ANKRD12: variants seen among roughly 807,000 people sequenced by gnomAD.
ANKRD12 encodes the protein ankyrin repeat domain 12.
A neutral mutation model predicts 183.4 loss-of-function variants in ANKRD12; 85 were observed. The observed-to-expected ratio is 0.46, with a 90% CI of 0.39 to 0.56. ANKRD12 has a LOEUF of 0.56. Ranked by LOEUF, ANKRD12 falls within the 20% of genes least tolerant of loss-of-function variation. The pLI is 0.00. For missense variants in ANKRD12, 2,405 were observed against 2,357.1 expected, an observed-to-expected ratio of 1.02 and a Z score of -0.42; for synonymous variants, 914 against 800.2, an observed-to-expected ratio of 1.14 and a Z score of -2.40.
chr18:9,145,906 T>C (rs1424032780), intron 1 of ANKRD12, among the ~76,000 whole-genome samples: 1 of 152,254 alleles, frequency 6.6e-6, no homozygotes, highest in African/African-American at 2.4e-5. Context: ...TATGGGCAAC[T>C]TAAAATCTAG....
At chr18:9,193,478 C>T (rs1306231003) in intron 2 of ANKRD12, among the ~76,000 whole-genome samples, 3 of 151,958 alleles carry the variant, frequency 2.0e-5, no homozygotes, top group Non-Finnish European at 1.5e-5. Context: ...TTAATATTCC[C>T]TCTCTAGTTG....
chr18:9,278,958 G>A (rs903010930), intron 11 of ANKRD12, among the ~76,000 whole-genome samples: 3 of 151,918 alleles, frequency 2.0e-5, no homozygotes, highest in Non-Finnish European at 2.9e-5. Flanking sequence ...CTGAAGAGAG[G>A]TTACCACATT....
chr18:9,144,874 T>C (rs2078441436), intron 1 of ANKRD12, among the ~76,000 whole-genome samples: 1 of 151,844 alleles, frequency 6.6e-6, no homozygotes, highest in Non-Finnish European at 1.5e-5. Flanking sequence ...ATTATGTATG[T>C]ATTTGTATGT....
rs765284306 is a variant in ANKRD12 at position 9,258,439 on chromosome 18, T to G, written c.5172T>G (p.Asp1724Glu). 6.2e-7 allele frequency: 1 copy of G among 1,613,768 alleles called. No individual in the cohort carries two copies. Among genetic ancestry groups the G allele is most frequent in the Non-Finnish European group, 8.5e-7 (1 of 1,179,938 alleles). The change falls in exon 9 of 13, where the codon GAT becomes GAG. Residue 1724 changes from aspartate to glutamate, a missense_variant. Around this residue, in one of 7 missense-constraint regions of ANKRD12, gnomAD observed 1,983 missense variants for 1,725.9 expected, o/e 1.15. Transcript: ENST00000262126. ...TAGAATTAGAAGAAAATGCCGAAGA[T>G]GATAAAACTGAAAACCAAATCCCTC... ...VKVELEENAE[D>E]DKTENQIPQR...
At chr18:9,249,601 C>T (rs545019002) in intron 8 of ANKRD12, 1 of 152,286 alleles carries the variant, frequency 6.6e-6, no homozygotes, top group Admixed American at 6.5e-5. Flanking sequence ...CGTCTTCCTT[C>T]CCACAACAGA....
intron 7 of ANKRD12, among the ~76,000 whole-genome samples, 162 bp downstream of exon 7, chr18:9,217,062 G>T (rs1032593847): frequency 1.1e-4 from 16 of 152,196 alleles, no homozygotes; most frequent in Non-Finnish European, 1.6e-4. Flanking sequence ...CTAAGTATTA[G>T]TTCATAGTCA....
rs377399578 is a variant in ANKRD12, at chr18:9,166,214, G to A, written c.-51-16168G>A. 6.6e-5 allele frequency among the ~76,000 whole-genome samples: 10 copies of A among 152,052 alleles called. No homozygotes were observed. In the East Asian group the frequency reaches 9.7e-4, roughly 15 times the overall value. The stretch of plus-strand genomic sequence containing the variant: ...ATGTGTCTTTATAGCAGCATGATTT[G>A]TAATCCTTTGGGTATATACCCAGTA... On this transcript the variant is annotated intron_variant, in intron 1 of 12. Coordinates refer to ENST00000262126, the MANE Select transcript of ANKRD12 (RefSeq NM_015208.5).
At chr18:9,265,509 C>A (rs1419789162) in intron 10 of ANKRD12, among the ~76,000 whole-genome samples, 1 of 152,160 alleles carries the variant, frequency 6.6e-6, no homozygotes, top group East Asian at 1.9e-4. Context: ...GTTACCCACA[C>A]AAACGGTCTG....
intron 1 of ANKRD12, among the ~76,000 whole-genome samples, chr18:9,172,772 T>G (rs1461092793): frequency 6.6e-6 from 1 of 152,178 alleles, no homozygotes; most frequent in Non-Finnish European, 1.5e-5. Context: ...TGAAGAGGTG[T>G]TGTGGTAATT....
chr18:9,161,503 G>A (rs1006778170), intron 1 of ANKRD12, among the ~76,000 whole-genome samples: 75 of 151,958 alleles, frequency 4.9e-4, no homozygotes, highest in African/African-American at 1.7e-3. Context: ...AGCCTCCTGA[G>A]TAGCTGGGAC....
intron 8 of ANKRD12, among the ~76,000 whole-genome samples, chr18:9,223,427 T>G (rs1273757899): frequency 1.3e-5 from 2 of 151,714 alleles, no homozygotes; most frequent in African/African-American, 2.4e-5. Context: ...GCTAATATTG[T>G]TTTTTACCCC....
rs775129165 is a variant in ANKRD12, at chr18:9,239,531, C to T, written c.944-14680C>T. The T allele has an allele frequency of 2.0e-5, 26 of 1,286,530 alleles. 1 individual carries two copies. The South Asian group carries it at 3.0e-4, about 15-fold the overall frequency. The allele number at this position is 1,286,530 out of a possible 1,614,324, so 79.7% of individuals were successfully genotyped here. On this transcript the variant is annotated intron_variant, in intron 8 of 12. Coordinates refer to ENST00000262126, the MANE Select transcript of ANKRD12 (RefSeq NM_015208.5). ...CTGAATTATTGCTTGGTCAAAGTCC[C>T]TCAAGGAATGATACAAAAATCATCA...
At chr18:9,192,748 C>T (rs976447366) in intron 2 of ANKRD12, among the ~76,000 whole-genome samples, 1 of 151,846 alleles carries the variant, frequency 6.6e-6, no homozygotes, top group Non-Finnish European at 1.5e-5. Flanking sequence ...GCTCTGTCAC[C>T]CAGCCTGGAA....
At chr18:9,222,120 A>G in intron 8 of ANKRD12, 121 bp downstream of exon 8, 1 of 1,228,250 alleles carries the variant, frequency 8.1e-7, no homozygotes, top group East Asian at 2.4e-5. Flanking sequence ...GCTAGCTAGA[A>G]TAATGCTTAG....
intron 3 of ANKRD12, among the ~76,000 whole-genome samples, chr18:9,196,659 G>A (rs1184962557): frequency 1.3e-5 from 2 of 152,138 alleles, no homozygotes; most frequent in Admixed American, 1.3e-4. Context: ...AAATCATGTA[G>A]TGTATGCTTT....
chr18:9,136,799 G>C lies in ANKRD12; in HGVS notation c.-218G>C, dbSNP rs531393469. Reference sequence around the variant, plus strand: ...GCCAATCGCGGGGCGACGCTGTCCTGGGAGCGAGGAGGCTGTGGTGAGAGA... The same window carrying C: ...GCCAATCGCGGGGCGACGCTGTCCTCGGAGCGAGGAGGCTGTGGTGAGAGA... On this transcript the variant is annotated 5_prime_UTR_variant, in exon 1 of 13. Coordinates refer to ENST00000262126, the MANE Select transcript of ANKRD12 (RefSeq NM_015208.5). 6.6e-6 allele frequency: 1 copy of C among 152,242 alleles called. No individual in the cohort carries two copies. The highest frequency in any genetic ancestry group is 1.5e-5 in the Non-Finnish European group (1 of 68,072). 9.4% of individuals were successfully genotyped at this position (152,242 alleles called of 1,614,324 possible).
At chr18:9,237,840 A>G (rs950932152) in intron 8 of ANKRD12, among the ~76,000 whole-genome samples, 5 of 152,196 alleles carry the variant, frequency 3.3e-5, no homozygotes, top group Non-Finnish European at 7.4e-5. Context: ...GTCAAAGTAC[A>G]GTCGGACACA....
In ANKRD12 at chr18:9,257,502, G is replaced by A; in HGVS notation, c.4235G>A (p.Gly1412Asp). ...PVHLEPSSQVGVIQNKSWEMP... is the reference protein window; with the variant it reads ...PVHLEPSSQVDVIQNKSWEMP... ...CATTTAGAGCCATCTAGTCAGGTTG[G>A]TGTGATCCAGAATAAATCATGGGAG... The change falls in exon 9 of 13, where the codon GGT (glycine) becomes GAT (aspartate). Residue 1412 changes from glycine (G) to aspartate (D), a missense_variant. Physicochemically the swap from Gly to Asp is moderately conservative, Grantham distance 94. Transcript: ENST00000262126. 1 of 1,614,080 alleles carries A rather than the reference G, an allele frequency of 6.2e-7. No homozygotes were observed. The highest frequency in any genetic ancestry group is 8.5e-7 in the Non-Finnish European group (1 of 1,179,992).
At chr18:9,239,653 A>G in intron 8 of ANKRD12, 4 of 415,276 alleles carry the variant, frequency 9.6e-6, no homozygotes, top group Non-Finnish European at 1.7e-5. Flanking sequence ...GTTAGATTTA[A>G]CTGTACCAAA....
Sources: allele counts gnomAD v4.1 joint callset (sites outside exome capture counted in the v4.1 genomes callset), GRCh38; gene constraint gnomAD v4.1.1; regional missense constraint gnomAD v4.1.1; transcripts MANE v1.5; gene names NCBI Gene and HGNC (gene_info 2026-07-23, HGNC 2026-07-21).